Variants in RGS7 observed in about 807,000 individuals in gnomAD.
RGS7 encodes regulator of G-protein signaling 7.
RGS7 carries 27 observed loss-of-function variants against 81.1 expected under a neutral mutation model. That is an observed-to-expected ratio of 0.33 (90% CI 0.25 to 0.46). The LOEUF is 0.46. Among genes scored for constraint, RGS7 ranks in the 20% least tolerant of loss-of-function variants. The pLI is 1.00. For synonymous variants in RGS7, 208 were observed against 207.7 expected (o/e 1.00, Z -0.01); for missense variants, 396 against 607.4 (o/e 0.65, Z 3.66).
chr1:240,955,632 G>A (rs1301165983), intron 4 of RGS7, among the ~76,000 whole-genome samples: 3 of 150,860 alleles, frequency 2.0e-5, no homozygotes, highest in Non-Finnish European at 4.4e-5. Context: ...TCAGGCTGTA[G>A]TAATCAAGAC....
chr1:240,948,422 A>G lies in RGS7; in HGVS notation c.227-11716T>C, dbSNP rs375264917. On this transcript the variant is annotated intron_variant, in intron 4 of 18. Transcript: ENST00000440928. ...AAAATAGGGGAGCCAAAAGACGCACATATTTTTTAAGTGTTGCTATTTTAT... is the reference window on the plus strand; with the variant it reads ...AAAATAGGGGAGCCAAAAGACGCACGTATTTTTTAAGTGTTGCTATTTTAT... Among the ~76,000 whole-genome samples, 21 of 152,232 alleles carry G rather than the reference A, an allele frequency of 1.4e-4. 1 individual carries two copies. The highest frequency in any genetic ancestry group is 4.6e-4 in the Admixed American group (7 of 15,276).
chr1:241,350,320 G>T (rs1408423685), intron 2 of RGS7, among the ~76,000 whole-genome samples: 1 of 152,104 alleles, frequency 6.6e-6, no homozygotes, highest in African/African-American at 2.4e-5. Flanking sequence ...AATATGTTTA[G>T]GGTAGACAAC....
intron 2 of RGS7, among the ~76,000 whole-genome samples, chr1:241,320,777 G>A (rs1195763854): frequency 6.6e-6 from 1 of 152,210 alleles, no homozygotes; most frequent in Non-Finnish European, 1.5e-5. Flanking sequence ...GTGTTATTAA[G>A]TGCAGTGTTG....
At chr1:240,821,962 T>C (rs777820998) in intron 10 of RGS7, among the ~76,000 whole-genome samples, 11 of 152,338 alleles carry the variant, frequency 7.2e-5, no homozygotes, top group Middle Eastern at 3.4e-3. Flanking sequence ...GCTATTGTCC[T>C]ACAGAAGGAT....
intron 10 of RGS7, chr1:240,823,220 T>C: frequency 2.5e-6 from 2 of 795,058 alleles, no homozygotes; most frequent in Non-Finnish European, 4.4e-6. Context: ...TTCGTATTCT[T>C]GTGGTAGAGG....
chr1:240,801,574 A>G, intron 16 of RGS7, 66 bp from the exon 17 acceptor site: 1 of 1,119,718 alleles, frequency 8.9e-7, no homozygotes. Flanking sequence ...GAAAGAAAGC[A>G]AGGAAAACAG....
chr1:241,085,686 G>A (rs1025316028), intron 3 of RGS7, among the ~76,000 whole-genome samples: 18 of 151,996 alleles, frequency 1.2e-4, no homozygotes, highest in Non-Finnish European at 2.2e-4. Flanking sequence ...TGCCCACCTC[G>A]GCCTCCCAAA....
chr1:240,786,623 C>T (rs115652035), intron 18 of RGS7, among the ~76,000 whole-genome samples: 363 of 152,220 alleles, frequency 2.4e-3, no homozygotes, highest in Non-Finnish European at 4.0e-3. Flanking sequence ...TATACAAATA[C>T]GCACAAACAC....
Position 241,114,488 on chromosome 1 carries a change from T to C in RGS7, c.79-15726A>G, listed in dbSNP as rs186011309. Among the ~76,000 whole-genome samples the C allele has an allele frequency of 3.1e-3, 467 of 152,226 alleles. 6 individuals are homozygous for C. The highest frequency in any genetic ancestry group is 0.01 in the African/African-American group (433 of 41,540). ...TTTCATTTTGGTGACCTTCATTTAC[T>C]TCCACATTAAAAAAAAAATTCATGT... On this transcript the variant is annotated intron_variant, in intron 2 of 18. Transcript: ENST00000440928.
chr1:241,097,283 T>C (rs917237707), intron 3 of RGS7, among the ~76,000 whole-genome samples: 1 of 151,800 alleles, frequency 6.6e-6, no homozygotes, highest in African/African-American at 2.4e-5. Context: ...GTGCAAGGCA[T>C]CATTGAGAAA....
intron 2 of RGS7, among the ~76,000 whole-genome samples, chr1:241,156,169 G>GATAGATAGATACATAC (rs1475820224): frequency 7.0e-6 from 1 of 142,752 alleles, no homozygotes; most frequent in African/African-American, 2.5e-5. Context: ...TAGATAGATA[G>GATAGATAGATACATAC]ATACATATAC....
intron 5 of RGS7, among the ~76,000 whole-genome samples, chr1:240,934,728 G>A (rs1287407003): frequency 6.6e-6 from 1 of 151,930 alleles, no homozygotes; most frequent in Non-Finnish European, 1.5e-5. Context: ...ATCTATCTCA[G>A]CACACTGAAC....
At chr1:240,903,537 A>C (rs1237122619) in intron 6 of RGS7, among the ~76,000 whole-genome samples, 1 of 152,004 alleles carries the variant, frequency 6.6e-6, no homozygotes, top group Non-Finnish European at 1.5e-5. Flanking sequence ...AATTATAGAT[A>C]ATTATAGTTG....
At chr1:241,097,010 G>A (rs1390281464) in intron 3 of RGS7, among the ~76,000 whole-genome samples, 1 of 151,934 alleles carries the variant, frequency 6.6e-6, no homozygotes, top group Non-Finnish European at 1.5e-5. Flanking sequence ...GTTTAGATGT[G>A]GAGTTAACTC....
At chr1:241,124,922 T>C (rs1003335081) in intron 2 of RGS7, among the ~76,000 whole-genome samples, 3 of 152,204 alleles carry the variant, frequency 2.0e-5, no homozygotes, top group Non-Finnish European at 4.4e-5. Context: ...TGAAGAAACT[T>C]GGTTATATAC....
At position 241,096,596 on chromosome 1, in the gene RGS7, A is replaced by G. The variant is rs1386686187; in HGVS notation, c.175+2070T>C. Among the ~76,000 whole-genome samples, 5 of 152,324 alleles carry G rather than the reference A, an allele frequency of 3.3e-5. No individual in the cohort carries two copies. The East Asian group carries it at 9.6e-4, about 29-fold the overall frequency. ...CCACTGTTATTTTACAGCAGTGAACATTAAAACAATTATTAGAGATTCCCA... is the reference window on the plus strand; with the variant it reads ...CCACTGTTATTTTACAGCAGTGAACGTTAAAACAATTATTAGAGATTCCCA... On this transcript the variant is annotated intron_variant, in intron 3 of 18. Coordinates refer to ENST00000440928, the MANE Select transcript of RGS7 (RefSeq NM_001364886.1).
At chr1:240,916,109 CAAAAAAA>C (rs60839025) in intron 6 of RGS7, among the ~76,000 whole-genome samples, 2 of 70,944 alleles carry the variant, frequency 2.8e-5, no homozygotes, top group Non-Finnish European at 3.1e-5. Flanking sequence ...CTAAAAATAC[CAAAAAAA>C]AAAAAAAAAA....
intron 2 of RGS7, among the ~76,000 whole-genome samples, chr1:241,222,749 C>G (rs966047223): frequency 3.8e-4 from 58 of 152,198 alleles, no homozygotes; most frequent in African/African-American, 1.4e-3. Flanking sequence ...AGGAGTAGAG[C>G]CCATGCTCCC....
intron 4 of RGS7, among the ~76,000 whole-genome samples, chr1:240,974,399 G>A (rs1443149963): frequency 6.6e-6 from 1 of 152,102 alleles, no homozygotes; most frequent in African/African-American, 2.4e-5. Flanking sequence ...ATCCATTTAA[G>A]AGAGCACAAA....
Sources: allele counts gnomAD v4.1 joint callset (sites outside exome capture counted in the v4.1 genomes callset), GRCh38; gene constraint gnomAD v4.1.1; transcripts MANE v1.5; gene names NCBI Gene and HGNC (gene_info 2026-07-23, HGNC 2026-07-21).